SEC31A: variants seen among roughly 807,000 people sequenced by gnomAD.
The protein encoded by SEC31A is SEC31 homolog A, COPII component.
A neutral mutation model predicts 151.0 loss-of-function variants in SEC31A; 70 were observed. The observed-to-expected ratio is 0.46, with a 90% CI of 0.38 to 0.57. SEC31A has a LOEUF of 0.57. SEC31A is among the 20% of genes least tolerant of loss of function. The probability of loss-of-function intolerance (pLI) is 0.00; values close to 1 mark genes in which losing one functional copy is unlikely to be tolerated. For missense variants in SEC31A, 1,330 were observed against 1,471.2 expected, an observed-to-expected ratio of 0.90 and a Z score of 1.57; for synonymous variants, 475 against 505.9, an observed-to-expected ratio of 0.94 and a Z score of 0.82.
Position 82,837,844 on chromosome 4 carries a change from G to A in SEC31A, c.2968+4296C>T, listed in dbSNP as rs74623196. Reference sequence around the variant, plus strand: ...GAAACCTTCTTAGGTACTCTTATAGGAGCATAATGGTAGAATCTATGCACT... The same window carrying A: ...GAAACCTTCTTAGGTACTCTTATAGAAGCATAATGGTAGAATCTATGCACT... On this transcript the variant is annotated intron_variant, in intron 22 of 26. Transcript: ENST00000395310. Among the ~76,000 whole-genome samples the A allele has an allele frequency of 6.4e-3, 973 of 152,194 alleles. 6 individuals carry two copies. The highest frequency in any genetic ancestry group is 0.01 in the African/African-American group (427 of 41,514).
chr4:82,843,300 A>C (rs1249483694), intron 21 of SEC31A, among the ~76,000 whole-genome samples: 1 of 151,834 alleles, frequency 6.6e-6, no homozygotes, highest in Non-Finnish European at 1.5e-5. Flanking sequence ...CACCCACCTA[A>C]TTTTTACATT....
chr4:82,852,701 C>T (rs977007505), intron 18 of SEC31A, among the ~76,000 whole-genome samples: 2 of 152,058 alleles, frequency 1.3e-5, no homozygotes. Context: ...GATTTAAATG[C>T]TTAGAAAAAA....
At chr4:82,888,831 A>G (rs72664726) in intron 1 of SEC31A, among the ~76,000 whole-genome samples, 1 of 152,356 alleles carries the variant, frequency 6.6e-6, no homozygotes, top group Non-Finnish European at 1.5e-5. Flanking sequence ...TTCAAAGTGT[A>G]AATTTTGTGA....
chr4:82,861,703 A>G lies in SEC31A; in HGVS notation c.1554T>C (p.Leu518=), dbSNP rs757404461. 3 of 1,605,962 alleles carry G rather than the reference A, an allele frequency of 1.9e-6. No individual in the cohort carries two copies. The highest frequency in any genetic ancestry group is 2.6e-6 in the Non-Finnish European group (3 of 1,173,980). The change falls in exon 14 of 27, where the codon CTT becomes CTC. Residue 518 remains leucine, a synonymous_variant. Coordinates refer to ENST00000395310, the MANE Select transcript of SEC31A (RefSeq NM_001077207.4). ...TCTGTGCTACTTGGTCAGAGTCTTTAAGAGCCTTTGGTACACAAAACAATT... is the reference window on the plus strand; with the variant it reads ...TCTGTGCTACTTGGTCAGAGTCTTTGAGAGCCTTTGGTACACAAAACAATT... The part of the protein sequence containing the change: ...LNKVDGANVA[L]KDSDQVAQSD...
chr4:82,837,166 T>TAC, intron 22 of SEC31A, among the ~76,000 whole-genome samples: 2 of 39,774 alleles, frequency 5.0e-5, no homozygotes, highest in South Asian at 1.8e-3. Context: ...ATCATATATA[T>TAC]ATATATATAT....
upstream of SEC31A, chr4:82,893,534 C>G (rs1182743181): frequency 6.6e-6 from 1 of 152,212 alleles, no homozygotes; most frequent in Admixed American, 6.5e-5. Flanking sequence ...ACAGTAGCAT[C>G]CATTTCATTG....
upstream of SEC31A, among the ~76,000 whole-genome samples, chr4:82,892,058 T>C (rs1008058625): frequency 3.9e-5 from 6 of 152,212 alleles, no homozygotes; most frequent in African/African-American, 1.4e-4. Flanking sequence ...AGTGTTAACA[T>C]TCCCACAGTC....
At chr4:82,883,898 T>C (rs1739967628) in intron 1 of SEC31A, among the ~76,000 whole-genome samples, 1 of 151,856 alleles carries the variant, frequency 6.6e-6, no homozygotes, top group African/African-American at 2.4e-5. Context: ...TATAACATCT[T>C]TTTTTTGTAT....
At chr4:82,877,154 A>C (rs1738152069) in intron 4 of SEC31A, among the ~76,000 whole-genome samples, 1 of 152,080 alleles carries the variant, frequency 6.6e-6, no homozygotes, top group African/African-American at 2.4e-5. Context: ...GCTTGAGCCC[A>C]GGAGGTCAAG....
At chr4:82,896,545 T>C (rs749338718) in intron 3 of SEC31A, among the ~76,000 whole-genome samples, 90 of 152,098 alleles carry the variant, frequency 5.9e-4, no homozygotes, top group Non-Finnish European at 1.0e-3. Flanking sequence ...CTATACACTA[T>C]ATATAAAAAT....
At chr4:82,840,141 T>A (rs1728404472) in intron 22 of SEC31A, among the ~76,000 whole-genome samples, 1 of 152,210 alleles carries the variant, frequency 6.6e-6, no homozygotes, top group South Asian at 2.1e-4. Context: ...CTCAGTTTTT[T>A]CATCTGTAAT....
intron 14 of SEC31A, 180 bp from the exon 15 acceptor site, chr4:82,857,944 CATTATATA>C (rs1211517207): frequency 4.3e-6 from 2 of 467,734 alleles, no homozygotes; most frequent in Non-Finnish European, 3.9e-6. Flanking sequence ...TATTACCTCC[CATTATATA>C]ATCATAAATA....
At chr4:82,856,057 T>C (rs541225154) in intron 16 of SEC31A, among the ~76,000 whole-genome samples, 1 of 152,328 alleles carries the variant, frequency 6.6e-6, no homozygotes, top group East Asian at 1.9e-4. Flanking sequence ...CAAGCGTGTT[T>C]ATTTCTATTT....
intron 20 of SEC31A, among the ~76,000 whole-genome samples, chr4:82,844,799 TCTA>T (rs1382794087): frequency 6.6e-6 from 1 of 152,242 alleles, no homozygotes; most frequent in Non-Finnish European, 1.5e-5. Flanking sequence ...ATTTTCCATC[TCTA>T]CTAATTTCCA....
intron 6 of SEC31A, among the ~76,000 whole-genome samples, chr4:82,873,319 A>G (rs1737168963): frequency 6.6e-6 from 1 of 151,412 alleles, no homozygotes; most frequent in Non-Finnish European, 1.5e-5. Flanking sequence ...TTGCGCCCCT[A>G]CACTCCAGAC....
intron 21 of SEC31A, among the ~76,000 whole-genome samples, chr4:82,843,455 T>A (rs1325461343): frequency 6.6e-6 from 1 of 152,134 alleles, no homozygotes; most frequent in Non-Finnish European, 1.5e-5. Context: ...GATCTAAATA[T>A]AAATACCATC....
intron 23 of SEC31A, among the ~76,000 whole-genome samples, 164 bp downstream of exon 23, chr4:82,828,836 T>G (rs1197082163): frequency 6.6e-6 from 1 of 152,160 alleles, no homozygotes; most frequent in Non-Finnish European, 1.5e-5. Flanking sequence ...TCTACTTCCT[T>G]TCCTTCCTTC....
In SEC31A at chr4:82,828,994, T is replaced by C. The variant is rs772439874; in HGVS notation, c.3027+6A>G. ...AGGCCATTGGATGGACATCTTTTTC[T>C]AGTACCTTCTTCTTTTTGGGTACTC... On this transcript the variant is annotated splice_donor_region_variant and intron_variant, in intron 23 of 26. Transcript: ENST00000395310. 23 of 1,612,348 alleles carry C rather than the reference T, an allele frequency of 1.4e-5. No individual in the cohort carries two copies. The highest frequency in any genetic ancestry group is 1.1e-5 in the Non-Finnish European group (13 of 1,178,504).
chr4:82,846,273 G>A (rs952607587), intron 20 of SEC31A, among the ~76,000 whole-genome samples: 1 of 151,604 alleles, frequency 6.6e-6, no homozygotes, highest in African/African-American at 2.4e-5. Flanking sequence ...AAAGTGCTGG[G>A]ATTACAGGCG....
Sources: allele counts gnomAD v4.1 joint callset (sites outside exome capture counted in the v4.1 genomes callset), GRCh38; gene constraint gnomAD v4.1.1; transcripts MANE v1.5; gene names NCBI Gene and HGNC (gene_info 2026-07-23, HGNC 2026-07-21).